MCM4: variants seen among roughly 807,000 people sequenced by gnomAD.
MCM4 encodes DNA replication licensing factor MCM4.
MCM4 carries 60 observed loss-of-function variants against 88.7 expected under a neutral mutation model. The observed-to-expected ratio is 0.68, with a 90% CI of 0.55 to 0.84. MCM4 has a LOEUF of 0.84. Among genes scored for constraint, MCM4 ranks in the 40% least tolerant of loss-of-function variants. The probability of loss-of-function intolerance (pLI) is 0.00; values close to 1 mark genes in which losing one functional copy is unlikely to be tolerated. For missense variants in MCM4, 1,149 were observed against 1,105.5 expected (o/e 1.04, Z -0.56); for synonymous variants, 465 against 410.5 (o/e 1.13, Z -1.61).
In MCM4 at chr8:47,977,784, A is replaced by C. The variant is rs1313713919; in HGVS notation, c.*1006A>C. ...TTTGTTTTATTTTTTATTTTTTGAG[A>C]GGTATGATTCTTTCTAGAGATTTTT... is the stretch of plus-strand genomic sequence containing the variant. On this transcript the variant is annotated 3_prime_UTR_variant, in exon 17 of 17. Transcript: ENST00000649973. 1 of 151,840 alleles carries C rather than the reference A, an allele frequency of 6.6e-6. No homozygotes were observed. The highest frequency in any genetic ancestry group is 2.4e-5 in the African/African-American group (1 of 41,322). The allele number at this position is 151,840 out of a possible 1,614,324, so 9.4% of individuals were successfully genotyped here.
chr8:47,971,888 A>G (rs1189381507), intron 13 of MCM4, among the ~76,000 whole-genome samples: 1 of 151,238 alleles, frequency 6.6e-6, no homozygotes, highest in Non-Finnish European at 1.5e-5. Context: ...TTTTTTTTTG[A>G]CAGAAGTTTT....
Position 47,961,161 on chromosome 8 carries a change from C to T in MCM4, c.17C>T (p.Ser6Leu). Reference sequence around the variant, plus strand: ...CCGAGCACTATGTCGTCCCCGGCGTCGACCCCGAGCCGCCGCGGCAGCCGG... The same window carrying T: ...CCGAGCACTATGTCGTCCCCGGCGTTGACCCCGAGCCGCCGCGGCAGCCGG... MSSPA[S>L]TPSRRGSRRG... The change falls in exon 2 of 17, where the codon TCG becomes TTG. Residue 6 changes from serine to leucine, a missense_variant. Ser to Leu is a moderately radical substitution (Grantham distance 145). This residue lies in a region of MCM4 where 906 missense variants were observed against 843.0 expected (regional missense o/e 1.07). Transcript: ENST00000649973. 1.3e-6 allele frequency: 2 copies of T among 1,551,502 alleles called. No individual in the cohort carries two copies. The highest frequency in any genetic ancestry group is 1.7e-6 in the Non-Finnish European group (2 of 1,159,014).
chr8:47,967,691 T>C (rs1216022872), intron 10 of MCM4, among the ~76,000 whole-genome samples: 1 of 152,238 alleles, frequency 6.6e-6, no homozygotes, highest in African/African-American at 2.4e-5. Flanking sequence ...TGTTCAGTTC[T>C]TCCCAAACTT....
At chr8:47,961,846 G>C in intron 3 of MCM4, 166 bp downstream of exon 3, 1 of 1,005,544 alleles carries the variant, frequency 9.9e-7, no homozygotes, top group Non-Finnish European at 1.4e-6. Context: ...GCAGAAAATA[G>C]TAGTTTTAGG....
In MCM4 at chr8:47,962,366, G is replaced by A. The variant is rs2090852022; in HGVS notation, c.461G>A (p.Gly154Glu). 1.2e-6 allele frequency: 2 copies of A among 1,614,218 alleles called. No individual in the cohort carries two copies. The highest frequency in any genetic ancestry group is 1.7e-6 in the Non-Finnish European group (2 of 1,180,048). ...QSLGQKLVIW[G>E]TDVNVAACKE... ...CTAGGCCAAAAACTTGTGATCTGGG[G>A]AACAGATGTAAATGTGGCAGCATGC... is the stretch of plus-strand genomic sequence containing the variant. Residue 154 changes from glycine to glutamate, a missense_variant, in exon 5 of 17, where the codon GGA becomes GAA. Gly to Glu is a moderately conservative substitution (Grantham distance 98). Transcript: ENST00000649973.
intron 14 of MCM4, 30 bp downstream of exon 14, chr8:47,973,094 C>T (rs2090970691): frequency 6.3e-7 from 1 of 1,577,784 alleles, no homozygotes; most frequent in Non-Finnish European, 8.7e-7. Context: ...GCTTACTGTG[C>T]CTGTAGCCCA....
chr8:47,969,778 TCTC>T lies in MCM4; in HGVS notation c.1175-17_1175-15del. 1.2e-6 allele frequency: 2 copies of T among 1,612,552 alleles called. No individual in the cohort carries two copies. Among genetic ancestry groups the T allele is most frequent in the East Asian group, 4.5e-5 (2 of 44,860 alleles). On this transcript the variant is annotated splice_polypyrimidine_tract_variant and intron_variant, in intron 10 of 16. Transcript: ENST00000649973. ...GAAGATATGGGAAGGTAAAAGTGCA[TCTC>T]CTGGTTGTGCCCTCAGGCATCTATC...
Position 47,967,493 on chromosome 8 carries a change from T to G in MCM4, c.1174+8T>G. The G allele has an allele frequency of 3.7e-6, 6 of 1,613,742 alleles. No individual in the cohort carries two copies. The highest frequency in any genetic ancestry group is 4.2e-6 in the Non-Finnish European group (5 of 1,179,874). On this transcript the variant is annotated splice_region_variant and intron_variant, in intron 10 of 16. Transcript: ENST00000649973. Reference sequence around the variant, plus strand: ...ACAGAGTGAATGTTACAGGTAAGAGTGTAGGTTTGCACCAGCACTTGAGCA... The same window carrying G: ...ACAGAGTGAATGTTACAGGTAAGAGGGTAGGTTTGCACCAGCACTTGAGCA...
chr8:47,974,966 C>A lies in MCM4; in HGVS notation c.2365+4C>A. 6.2e-7 allele frequency: 1 copy of A among 1,600,176 alleles called. No individual in the cohort carries two copies. The highest frequency in any genetic ancestry group is 1.1e-5 in the South Asian group (1 of 90,060). On this transcript the variant is annotated splice_donor_region_variant and intron_variant, in intron 15 of 16. Transcript: ENST00000649973. The stretch of plus-strand genomic sequence containing the variant: ...GACATATCTATTCTTACTACGGGTT[C>A]GTTATTTTCAGTGAACAGAAAAGCT...
intron 7 of MCM4, among the ~76,000 whole-genome samples, chr8:47,963,541 C>T (rs1316344062): frequency 6.6e-6 from 1 of 151,962 alleles, no homozygotes; most frequent in Non-Finnish European, 1.5e-5. Flanking sequence ...ACTTGTATTA[C>T]TATCAATGAC....
chr8:47,966,830 A>G (rs563688964), intron 9 of MCM4, among the ~76,000 whole-genome samples: 1 of 152,242 alleles, frequency 6.6e-6, no homozygotes, highest in Non-Finnish European at 1.5e-5. Flanking sequence ...TATTAAAATG[A>G]CAGAAAAAAG....
intron 13 of MCM4, among the ~76,000 whole-genome samples, chr8:47,972,542 G>C: frequency 6.6e-6 from 1 of 152,200 alleles, no homozygotes; most frequent in South Asian, 2.1e-4. Flanking sequence ...CAGTTTTTTT[G>C]TTGTTGTTTT....
Position 47,966,044 on chromosome 8 carries a change from G to A in MCM4, c.833-143G>A, listed in dbSNP as rs17334381. 1,126 of 659,416 alleles carry A rather than the reference G, an allele frequency of 1.7e-3. 7 individuals are homozygous for A. In the African/African-American group the frequency reaches 0.017, roughly 10 times the overall value. 40.8% of individuals were successfully genotyped at this position (659,416 alleles called of 1,614,324 possible). On this transcript the variant is annotated intron_variant, in intron 8 of 16. Transcript: ENST00000649973. Reference sequence around the variant, plus strand: ...GGTTCGCTGGGCTTGAGAGTCTCCTGAAGACATAGCCTGCAGATGACTGGA... The same window carrying A: ...GGTTCGCTGGGCTTGAGAGTCTCCTAAAGACATAGCCTGCAGATGACTGGA...
rs1047008690 is a variant in MCM4 at position 47,977,351 on chromosome 8, G to A, written c.*573G>A. 1 of 152,510 alleles carries A rather than the reference G, an allele frequency of 6.6e-6. No individual in the cohort carries two copies. The highest frequency in any genetic ancestry group is 1.5e-5 in the Non-Finnish European group (1 of 68,428). 9.4% of individuals were successfully genotyped at this position (152,510 alleles called of 1,614,324 possible). On this transcript the variant is annotated 3_prime_UTR_variant, in exon 17 of 17. Coordinates refer to ENST00000649973, the MANE Select transcript of MCM4 (RefSeq NM_182746.3). ...TGCCATTTTATAGTATAGCAGCAGG[G>A]CTTTTACTCTGTGTATGCACAGATG...
At chr8:47,965,675 G>T (rs2090892085) in intron 8 of MCM4, among the ~76,000 whole-genome samples, 1 of 152,214 alleles carries the variant, frequency 6.6e-6, no homozygotes. Context: ...AAGAGTGAAA[G>T]ATCAGAGCAT....
Position 47,961,700 on chromosome 8 carries a change from G to T in MCM4, c.235+20G>T. On this transcript the variant is annotated intron_variant, in intron 3 of 16. Transcript: ENST00000649973. ...CTTCAGGTGCGTGTCTGAAGATCTTGGTTTTGCTGTGCTTGATACACAGCT... is the reference window on the plus strand; with the variant it reads ...CTTCAGGTGCGTGTCTGAAGATCTTTGTTTTGCTGTGCTTGATACACAGCT... 6.3e-7 allele frequency: 1 copy of T among 1,591,216 alleles called. No individual in the cohort carries two copies. Among genetic ancestry groups the T allele is most frequent in the Non-Finnish European group, 8.6e-7 (1 of 1,167,382 alleles).
intron 12 of MCM4, 61 bp downstream of exon 12, chr8:47,970,937 C>G: frequency 6.6e-7 from 1 of 1,520,966 alleles, no homozygotes; most frequent in East Asian, 2.3e-5. Flanking sequence ...CCTTGAAAGA[C>G]AGGGTCTGTG....
chr8:47,968,852 G>C (rs1161337770), intron 10 of MCM4, among the ~76,000 whole-genome samples: 1 of 152,092 alleles, frequency 6.6e-6, no homozygotes, highest in African/African-American at 2.4e-5. Flanking sequence ...ACGAACATCA[G>C]ATCAGACCTC....
chr8:47,965,755 T>TAG (rs1330968930), intron 8 of MCM4, among the ~76,000 whole-genome samples: 1 of 152,206 alleles, frequency 6.6e-6, no homozygotes, highest in Admixed American at 6.5e-5. Context: ...CCAGGTGCTC[T>TAG]TACTAGGCTT....
Sources: gnomAD v4.1 joint callset for allele counts (sites outside exome capture counted in the v4.1 genomes callset) on GRCh38, gnomAD v4.1.1 for gene constraint, gnomAD v4.1.1 regional missense constraint, MANE v1.5 for transcripts, NCBI Gene and HGNC (gene_info 2026-07-23, HGNC 2026-07-21) for gene names.